ITPRID1: variants seen among roughly 807,000 people sequenced by gnomAD.
ITPRID1 encodes ITPR interacting domain containing 1, also known as protein ITPRID1.
Under a neutral mutation model 95.4 loss-of-function variants are expected in ITPRID1, and 96 were observed. That is an observed-to-expected ratio of 1.01 (90% CI 0.85 to 1.19). ITPRID1 has a LOEUF of 1.19. Among genes scored for constraint, ITPRID1 ranks in the 50% most tolerant of loss-of-function variants. The pLI, the probability that ITPRID1 is intolerant of heterozygous loss-of-function variation, is 0.00. For missense variants in ITPRID1, 1,339 were observed against 1,252.9 expected (o/e 1.07, Z -1.04); for synonymous variants, 510 against 453.6 (o/e 1.12, Z -1.58).
In ITPRID1 at chr7:31,519,620, C is replaced by CTATATATATATA. The variant is rs750544823; in HGVS notation, c.-98+5515_-98+5526dup. Among the ~76,000 whole-genome samples the CTATATATATATA allele has an allele frequency of 3.3e-3, 83 of 25,240 alleles. 5 individuals are homozygous for CTATATATATATA. The highest frequency in any genetic ancestry group is 3.9e-3 in the Non-Finnish European group (54 of 13,712). 16.6% of individuals were successfully genotyped at this position (25,240 alleles called of 152,430 possible). On this transcript the variant is annotated intron_variant, in intron 1 of 14. Transcript: ENST00000615280. The stretch of plus-strand genomic sequence containing the variant: ...TCTCTCTCTCTCTCTCTCTCTCTCT[C>CTATATATATATA]TATATATATATATATATATATATAT...
In ITPRID1 at chr7:31,655,867, G is replaced by T. The variant is rs540624472; in HGVS notation, c.*3038G>T. Reference sequence around the variant, plus strand: ...TTGCTCCTTCCCTGTAACGCCTACGGAATGAAGAGGAACACCTGGCTCTAG... The same window carrying T: ...TTGCTCCTTCCCTGTAACGCCTACGTAATGAAGAGGAACACCTGGCTCTAG... On this transcript the variant is annotated 3_prime_UTR_variant, in exon 15 of 15. Transcript: ENST00000615280. 4 of 985,446 alleles carry T rather than the reference G, an allele frequency of 4.1e-6. No homozygotes were observed. In the Admixed American group the frequency reaches 2.5e-4, roughly 61 times the overall value. 61.0% of individuals were successfully genotyped at this position (985,446 alleles called of 1,614,324 possible). A position where few individuals can be genotyped will look rare whatever the true frequency, so the allele number is the denominator to read the frequency against.
At chr7:31,648,447 A>G (rs1243247429) in intron 12 of ITPRID1, among the ~76,000 whole-genome samples, 1 of 152,078 alleles carries the variant, frequency 6.6e-6, no homozygotes, top group African/African-American at 2.4e-5. Context: ...TACTTATTCT[A>G]GGGCTAAAAT....
At chr7:31,642,333 C>A in intron 11 of ITPRID1, 75 bp downstream of exon 11, 1 of 977,578 alleles carries the variant, frequency 1.0e-6, no homozygotes, top group Non-Finnish European at 1.5e-6. Flanking sequence ...AGGCTGCCAC[C>A]CAAACCTCAC....
At chr7:31,650,862 T>C (rs1790882446) in intron 12 of ITPRID1, among the ~76,000 whole-genome samples, 1 of 152,174 alleles carries the variant, frequency 6.6e-6, no homozygotes, top group African/African-American at 2.4e-5. Flanking sequence ...TGCATCCCTA[T>C]GTCACCTAGG....
chr7:31,589,672 C>T (rs552880783), intron 10 of ITPRID1, among the ~76,000 whole-genome samples: 139 of 152,134 alleles, frequency 9.1e-4, no homozygotes, highest in African/African-American at 3.1e-3. Context: ...ACAACAGAGA[C>T]GAGAAGACAG....
intron 10 of ITPRID1, among the ~76,000 whole-genome samples, chr7:31,613,823 G>A (rs1042514875): frequency 6.6e-6 from 1 of 152,134 alleles, no homozygotes; most frequent in African/African-American, 2.4e-5. Flanking sequence ...TTTGCCCTCT[G>A]CACAGCATAA....
At chr7:31,587,285 G>A (rs1388541974) in intron 10 of ITPRID1, among the ~76,000 whole-genome samples, 2 of 152,076 alleles carry the variant, frequency 1.3e-5, no homozygotes, top group African/African-American at 4.8e-5. Context: ...AGCAACTTCA[G>A]CAAAGTCTCA....
In ITPRID1 at chr7:31,543,151, G is replaced by A. The variant is rs578166406; in HGVS notation, c.-97-6275G>A. Among the ~76,000 whole-genome samples the A allele has an allele frequency of 8.0e-4, 122 of 152,200 alleles. 1 individual carries two copies. The Middle Eastern group carries it at 0.02, about 25-fold the overall frequency. On this transcript the variant is annotated intron_variant, in intron 1 of 14. Coordinates refer to ENST00000615280, the MANE Select transcript of ITPRID1 (RefSeq NM_001257967.3). ...TAGGAAAACAATTTCCAGGGCCTAGGAAACAAGCATAGCTGGAAGACAAAG... is the reference window on the plus strand; with the variant it reads ...TAGGAAAACAATTTCCAGGGCCTAGAAAACAAGCATAGCTGGAAGACAAAG...
chr7:31,630,945 G>C (rs1218399144), intron 10 of ITPRID1, among the ~76,000 whole-genome samples: 3 of 152,092 alleles, frequency 2.0e-5, no homozygotes, highest in Non-Finnish European at 4.4e-5. Context: ...ATGAGAGGTA[G>C]AAACAGTCTT....
intron 1 of ITPRID1, among the ~76,000 whole-genome samples, chr7:31,533,036 AT>A (rs959798195): frequency 1.3e-5 from 2 of 151,750 alleles, no homozygotes; most frequent in East Asian, 1.9e-4. Flanking sequence ...AATTGAAAAT[AT>A]TTTTTTTCTT....
At chr7:31,595,233 C>G (rs1786035341) in intron 10 of ITPRID1, among the ~76,000 whole-genome samples, 1 of 151,514 alleles carries the variant, frequency 6.6e-6, no homozygotes, top group African/African-American at 2.4e-5. Context: ...TTAGTAGAGA[C>G]AGGGTTTCAC....
intron 10 of ITPRID1, among the ~76,000 whole-genome samples, chr7:31,593,449 G>C (rs1412078017): frequency 6.6e-6 from 1 of 152,062 alleles, no homozygotes; most frequent in African/African-American, 2.4e-5. Context: ...TATTAGATAT[G>C]GTGAATGGAA....
chr7:31,561,685 C>T (rs1003383044), intron 5 of ITPRID1, among the ~76,000 whole-genome samples: 2 of 152,194 alleles, frequency 1.3e-5, no homozygotes, highest in African/African-American at 2.4e-5. Flanking sequence ...GCTGCGTGGC[C>T]TGACAGTCTC....
chr7:31,652,327 G>C (rs73686911), intron 14 of ITPRID1, among the ~76,000 whole-genome samples, 191 bp from the exon 15 acceptor site: 6,654 of 152,112 alleles, frequency 0.044, 464 homozygotes, highest in African/African-American at 0.15. Flanking sequence ...ATAAGAATAA[G>C]AATCACAGGC....
chr7:31,607,301 C>A (rs1583565815), intron 10 of ITPRID1, among the ~76,000 whole-genome samples: 1 of 152,082 alleles, frequency 6.6e-6, no homozygotes, highest in African/African-American at 2.4e-5. Context: ...TTTTGGGCCA[C>A]TTCCTTCTCT....
intron 1 of ITPRID1, among the ~76,000 whole-genome samples, chr7:31,543,188 G>T (rs1389746475): frequency 6.6e-6 from 1 of 152,076 alleles, no homozygotes; most frequent in African/African-American, 2.4e-5. Flanking sequence ...CAGATTTTGA[G>T]AGGTAATTAT....
At chr7:31,519,620 C>CTG in intron 1 of ITPRID1, among the ~76,000 whole-genome samples, 1 of 25,254 alleles carries the variant, frequency 4.0e-5, no homozygotes, top group Non-Finnish European at 7.3e-5. Flanking sequence ...CTCTCTCTCT[C>CTG]TATATATATA....
chr7:31,555,021 CA>C, intron 5 of ITPRID1, 120 bp downstream of exon 5: 1 of 734,952 alleles, frequency 1.4e-6, no homozygotes. Context: ...GATCAGCCCT[CA>C]AAAACTATCC....
rs1431368607 is a variant in ITPRID1, at chr7:31,652,598, G to T, written c.2904G>T (p.Gly968=). ...ATAACTGGATAGAAGAAAGCAATGG[G>T]CAGACTTCATGTTCTAAAATCCACC... The part of the protein sequence containing the change: ...HQYNWIEESN[G]QTSCSKIHPG... Residue 968 remains glycine (G), a synonymous_variant, in exon 15 of 15, where the codon GGG becomes GGT. Coordinates refer to ENST00000615280, the MANE Select transcript of ITPRID1 (RefSeq NM_001257967.3). 1 of 1,612,802 alleles carries T rather than the reference G, an allele frequency of 6.2e-7. No homozygotes were observed. Among genetic ancestry groups the T allele is most frequent in the Admixed American group, 1.7e-5 (1 of 59,814 alleles).
Sources: gnomAD v4.1 joint callset for allele counts (sites outside exome capture counted in the v4.1 genomes callset) on GRCh38, gnomAD v4.1.1 for gene constraint, MANE v1.5 for transcripts, NCBI Gene and HGNC (gene_info 2026-07-23, HGNC 2026-07-21) for gene names.